CCNY: variants seen among roughly 807,000 people sequenced by gnomAD.
CCNY encodes the protein cyclin Y, also known as cyclin-Y.
In CCNY, 19 loss-of-function variants were observed where a neutral mutation model predicts 42.8. The observed-to-expected ratio is 0.44, with a 90% CI of 0.31 to 0.65. The LOEUF is 0.65. Ranked by LOEUF, CCNY falls within the 30% of genes least tolerant of loss-of-function variation. The pLI is 0.07. For missense variants in CCNY, 370 were observed against 437.3 expected, an observed-to-expected ratio of 0.85 and a Z score of 1.37; for synonymous variants, 165 against 162.7, an observed-to-expected ratio of 1.01 and a Z score of -0.11.
intron 5 of CCNY, 48 bp from the exon 6 acceptor site, chr10:35,529,925 A>T: frequency 6.7e-7 from 1 of 1,487,260 alleles, no homozygotes; most frequent in Non-Finnish European, 9.3e-7. Context: ...TATTTGAATG[A>T]CATTCTTGCA....
At chr10:35,543,613 A>G (rs1027521616) in intron 7 of CCNY, among the ~76,000 whole-genome samples, 1 of 152,106 alleles carries the variant, frequency 6.6e-6, no homozygotes, top group African/African-American at 2.4e-5. Context: ...TACATATAAT[A>G]CTTGATAATA....
chr10:35,268,236 A>G (rs2095727622), intron 3 of CCNY, among the ~76,000 whole-genome samples: 1 of 151,778 alleles, frequency 6.6e-6, no homozygotes, highest in African/African-American at 2.4e-5. Context: ...TTTAAATGCC[A>G]GGTGCGGTGG....
chr10:35,490,643 C>T (rs771703042), intron 2 of CCNY, among the ~76,000 whole-genome samples: 10 of 152,170 alleles, frequency 6.6e-5, no homozygotes, highest in East Asian at 5.8e-4. Context: ...AACCCAGAGC[C>T]GGAAGTCTTT....
chr10:35,465,953 GTGTGTGTC>G (rs1324784958), intron 1 of CCNY, among the ~76,000 whole-genome samples: 1 of 151,470 alleles, frequency 6.6e-6, no homozygotes, highest in African/African-American at 2.4e-5. Flanking sequence ...GTGTGTGTGT[GTGTGTGTC>G]TGTGTGTGTG....
chr10:35,390,402 T>C (rs1837389423), intron 1 of CCNY, among the ~76,000 whole-genome samples: 1 of 152,246 alleles, frequency 6.6e-6, no homozygotes, highest in Admixed American at 6.5e-5. Flanking sequence ...AAAATAGAGC[T>C]GCTTATCTGT....
chr10:35,455,804 C>CTT (rs67784224), intron 1 of CCNY, among the ~76,000 whole-genome samples: 2,188 of 75,896 alleles, frequency 0.029, 29 homozygotes, highest in Middle Eastern at 0.065. Context: ...GGGATGCTTC[C>CTT]TTTTTTTTTT....
intron 1 of CCNY, among the ~76,000 whole-genome samples, chr10:35,406,749 C>A (rs1837783375): frequency 6.6e-6 from 1 of 152,212 alleles, no homozygotes; most frequent in Non-Finnish European, 1.5e-5. Flanking sequence ...GTTGGGCGCA[C>A]CTCCCAGACG....
At chr10:35,428,502 G>A (rs1838317865) in intron 1 of CCNY, among the ~76,000 whole-genome samples, 2 of 152,190 alleles carry the variant, frequency 1.3e-5, no homozygotes, top group Admixed American at 6.5e-5. Context: ...GTAGGCAGGA[G>A]CAGATTAAAC....
intron 4 of CCNY, among the ~76,000 whole-genome samples, chr10:35,523,415 G>T (rs1840589104): frequency 6.6e-6 from 1 of 152,176 alleles, no homozygotes; most frequent in African/African-American, 2.4e-5. Context: ...ACAAGCCTGG[G>T]CCTGATTCAG....
chr10:35,285,936 C>A (rs1464594631), intron 3 of CCNY, among the ~76,000 whole-genome samples: 1 of 152,126 alleles, frequency 6.6e-6, no homozygotes, highest in African/African-American at 2.4e-5. Context: ...CCTCAGCCTC[C>A]CAAGTAACTG....
chr10:35,562,478 C>T (rs1841485949), intron 8 of CCNY, among the ~76,000 whole-genome samples: 1 of 152,224 alleles, frequency 6.6e-6, no homozygotes, highest in African/African-American at 2.4e-5. Context: ...GCCATTCCTC[C>T]TTCCTCCAGC....
chr10:35,444,721 A>G lies in CCNY; in HGVS notation c.155-38683A>G, dbSNP rs142242779. On this transcript the variant is annotated intron_variant, in intron 1 of 9. Transcript: ENST00000374704. ...CAGTCTGTTGACCAAAACGTTACGCAGTGCATGACTGAATTTTTGTTTTAA... is the reference window on the plus strand; with the variant it reads ...CAGTCTGTTGACCAAAACGTTACGCGGTGCATGACTGAATTTTTGTTTTAA... Among the ~76,000 whole-genome samples the G allele has an allele frequency of 4.7e-3, 711 of 152,362 alleles. 10 individuals are homozygous for G. The highest frequency in any genetic ancestry group is 0.016 in the African/African-American group (676 of 41,588).
At chr10:35,269,615 C>T (rs902022824) in intron 3 of CCNY, among the ~76,000 whole-genome samples, 1 of 143,946 alleles carries the variant, frequency 6.9e-6, no homozygotes, top group Admixed American at 6.9e-5. Flanking sequence ...AAGTTCGCCA[C>T]TCTTTTTTTT....
rs1841235007 is a variant in CCNY at position 35,550,656 on chromosome 10, C to G, written c.580-2363C>G. ...CAAGAGGACACTTCAGTTTCCTTCT[C>G]AAATGCCCCATATGTTGTAAGCCTA... is the stretch of plus-strand genomic sequence containing the variant. On this transcript the variant is annotated intron_variant, in intron 7 of 9. Coordinates refer to ENST00000374704, the MANE Select transcript of CCNY (RefSeq NM_145012.6). Among the ~76,000 whole-genome samples, 3 of 152,156 alleles carry G rather than the reference C, an allele frequency of 2.0e-5. No homozygotes were observed. The South Asian group carries it at 6.2e-4, about 32-fold the overall frequency.
At chr10:35,509,223 T>C (rs1480386708) in intron 3 of CCNY, among the ~76,000 whole-genome samples, 1 of 152,212 alleles carries the variant, frequency 6.6e-6, no homozygotes, top group Non-Finnish European at 1.5e-5. Flanking sequence ...GTATTTGCCT[T>C]CTGCTTTAGT....
chr10:35,279,004 C>T (rs991369273), intron 3 of CCNY, among the ~76,000 whole-genome samples: 3 of 152,088 alleles, frequency 2.0e-5, no homozygotes, highest in Non-Finnish European at 2.9e-5. Flanking sequence ...CCAAACAAGA[C>T]ACCCTCTGTT....
intron 1 of CCNY, among the ~76,000 whole-genome samples, chr10:35,447,104 C>T (rs1004583627): frequency 2.1e-4 from 32 of 152,116 alleles, no homozygotes; most frequent in African/African-American, 7.5e-4. Context: ...GGTGAAACCC[C>T]GTCTCTACTA....
chr10:35,544,075 T>G lies in CCNY; in HGVS notation c.580-8944T>G, dbSNP rs960890783. ...AAAATTTTTAAAGTTTATAAAGTTA[T>G]AGTAAGCTAAGTTTAATTTATTATT... On this transcript the variant is annotated intron_variant, in intron 7 of 9. Coordinates refer to ENST00000374704, the MANE Select transcript of CCNY (RefSeq NM_145012.6). Among the ~76,000 whole-genome samples the G allele has an allele frequency of 7.2e-5, 11 of 152,380 alleles. No individual in the cohort carries two copies. In the South Asian group the frequency reaches 2.1e-3, roughly 29 times the overall value.
rs1033823841 is a variant in CCNY, at chr10:35,360,469, A to G, written c.154+23262A>G. On this transcript the variant is annotated intron_variant, in intron 1 of 9. Coordinates refer to ENST00000374704, the MANE Select transcript of CCNY (RefSeq NM_145012.6). ...GCCCAGCTGATTTTTTTTTGTAGCT[A>G]TGGGGTCTTGCCGTGCTGCTCAGGT... Among the ~76,000 whole-genome samples the G allele has an allele frequency of 5.3e-5, 8 of 150,840 alleles. 1 individual carries two copies. Among genetic ancestry groups the G allele is most frequent in the Non-Finnish European group, 8.9e-5 (6 of 67,616 alleles).
Sources: allele counts gnomAD v4.1 joint callset (sites outside exome capture counted in the v4.1 genomes callset), GRCh38; gene constraint gnomAD v4.1.1; transcripts MANE v1.5; gene names NCBI Gene and HGNC (gene_info 2026-07-23, HGNC 2026-07-21).